The following PCLO variants were observed in gnomAD, a reference collection of about 807,000 sequenced individuals.
The protein encoded by PCLO is piccolo presynaptic cytomatrix protein.
PCLO carries 82 observed loss-of-function variants against 427.5 expected under a neutral mutation model. The observed-to-expected ratio is 0.19, with a 90% CI of 0.16 to 0.23. PCLO has a LOEUF of 0.23. PCLO is among the 10% of genes least tolerant of loss of function. The probability of loss-of-function intolerance (pLI) is 1.00; values close to 1 mark genes in which losing one functional copy is unlikely to be tolerated. For synonymous variants in PCLO, 2,357 were observed against 2,155.4 expected (o/e 1.09, Z -2.59); for missense variants, 6,239 against 6,115.9 (o/e 1.02, Z -0.67).
chr7:82,871,825 C>T (rs1030405114), intron 10 of PCLO, among the ~76,000 whole-genome samples: 5 of 151,362 alleles, frequency 3.3e-5, no homozygotes, highest in African/African-American at 4.8e-5. Flanking sequence ...GTTGAAAAAA[C>T]AAGACAAAAG....
At chr7:83,077,906 G>A (rs2214746) in intron 3 of PCLO, among the ~76,000 whole-genome samples, 35,736 of 151,832 alleles carry the variant, frequency 0.24, 4,800 homozygotes, top group East Asian at 0.56. Flanking sequence ...AAATGCAGAC[G>A]CTTAATGGGA....
chr7:83,152,899 T>A (rs868771903), intron 2 of PCLO, among the ~76,000 whole-genome samples: 46 of 152,184 alleles, frequency 3.0e-4, no homozygotes, highest in Admixed American at 1.0e-3. Context: ...TATCTTTATA[T>A]CTCACCAAAC....
At chr7:83,097,951 C>G (rs535758311) in intron 3 of PCLO, among the ~76,000 whole-genome samples, 207 of 152,110 alleles carry the variant, frequency 1.4e-3, no homozygotes, top group African/African-American at 4.8e-3. Flanking sequence ...TCATTAATAT[C>G]TGCATTTATA....
At chr7:82,909,193 T>G (rs1471724010) in intron 7 of PCLO, among the ~76,000 whole-genome samples, 180 bp from the exon 8 acceptor site, 1 of 152,026 alleles carries the variant, frequency 6.6e-6, no homozygotes, top group Non-Finnish European at 1.5e-5. Flanking sequence ...TCAAATTATG[T>G]CAAAAATTTT....
chr7:82,927,221 C>A (rs999300797), intron 6 of PCLO, among the ~76,000 whole-genome samples: 1 of 152,124 alleles, frequency 6.6e-6, no homozygotes, highest in Admixed American at 6.6e-5. Flanking sequence ...TTGTACACTG[C>A]CTTTGGGGTT....
rs569436582 is a variant in PCLO, at chr7:82,954,488, C to T, written c.6465G>A (p.Glu2155=). 2 of 1,613,852 alleles carry T rather than the reference C, an allele frequency of 1.2e-6. No individual in the cohort carries two copies. The highest frequency in any genetic ancestry group is 1.7e-6 in the Non-Finnish European group (2 of 1,179,868). Residue 2155 remains glutamate (E), a synonymous_variant, in exon 5 of 25, where the codon GAG becomes GAA. Transcript: ENST00000333891. The part of the protein sequence containing the change: ...YVTDYTREIQ[E]IIAHESLILT... Reference sequence around the variant, plus strand: ...AAATCAGCGATTCATGGGCAATTATCTCTTGAATTTCTCTTGTATAATCGG... The same window carrying T: ...AAATCAGCGATTCATGGGCAATTATTTCTTGAATTTCTCTTGTATAATCGG...
chr7:83,158,788 C>G (rs2116702188), intron 1 of PCLO, among the ~76,000 whole-genome samples: 1 of 151,864 alleles, frequency 6.6e-6, no homozygotes, highest in Middle Eastern at 3.4e-3. Context: ...GGCATACAAC[C>G]CTAAAGACTG....
At chr7:82,875,322 A>C (rs749254721) in intron 10 of PCLO, among the ~76,000 whole-genome samples, 1 of 152,186 alleles carries the variant, frequency 6.6e-6, no homozygotes, top group Non-Finnish European at 1.5e-5. Flanking sequence ...TTTTAAAACC[A>C]TTTTATTGAG....
chr7:83,134,707 G>A lies in PCLO; in HGVS notation c.2843C>T (p.Thr948Ile), dbSNP rs777691392. 1 of 1,613,802 alleles carries A rather than the reference G, an allele frequency of 6.2e-7. No individual in the cohort carries two copies. Among genetic ancestry groups the A allele is most frequent in the Non-Finnish European group, 8.5e-7 (1 of 1,179,800 alleles). ...IFSQASNLISTAGQPGPHSQS... is the reference protein window; with the variant it reads ...IFSQASNLISIAGQPGPHSQS... ...TGAATGAGGTCCAGGTTGGCCTGCA[G>A]TGGAAATTAAATTTGATGCCTGGCT... Residue 948 changes from threonine to isoleucine, a missense_variant, in exon 3 of 25, where the codon ACT (threonine) becomes ATT (isoleucine). Physicochemically the swap from Thr to Ile is moderately conservative, Grantham distance 89. Transcript: ENST00000333891.
intron 22 of PCLO, among the ~76,000 whole-genome samples, chr7:82,764,559 A>T (rs1790494762): frequency 6.6e-6 from 1 of 151,954 alleles, no homozygotes; most frequent in African/African-American, 2.4e-5. Flanking sequence ...AATACAACTA[A>T]AATCTGGTTT....
At chr7:82,800,943 T>C (rs1227295423) in intron 22 of PCLO, among the ~76,000 whole-genome samples, 1 of 152,012 alleles carries the variant, frequency 6.6e-6, no homozygotes, top group Non-Finnish European at 1.5e-5. Context: ...GTAAAGCTTA[T>C]AGATACTCCT....
intron 10 of PCLO, among the ~76,000 whole-genome samples, chr7:82,867,802 C>T (rs1793133742): frequency 6.6e-6 from 1 of 152,200 alleles, no homozygotes; most frequent in East Asian, 1.9e-4. Context: ...ATAATGTAAG[C>T]ATAATTCTCC....
At chr7:82,886,320 T>A (rs940015192) in intron 9 of PCLO, among the ~76,000 whole-genome samples, 5 of 152,198 alleles carry the variant, frequency 3.3e-5, no homozygotes, top group African/African-American at 1.2e-4. Context: ...TTATTGCATC[T>A]TTTAATATTA....
rs911338632 is a variant in PCLO, at chr7:82,754,613, C to T, written c.*3962G>A. ...TACAAGGTAATGCATTAAGAAAATG[C>T]TCTCAATCTACCTATCAGATAAAGA... On this transcript the variant is annotated 3_prime_UTR_variant, in exon 25 of 25. Coordinates refer to ENST00000333891, the MANE Select transcript of PCLO (RefSeq NM_033026.6). 1 of 152,046 alleles carries T rather than the reference C, an allele frequency of 6.6e-6. No homozygotes were observed. Among genetic ancestry groups the T allele is most frequent in the African/African-American group, 2.4e-5 (1 of 41,438 alleles). The allele number at this position is 152,046 out of a possible 1,614,324, so 9.4% of individuals were successfully genotyped here. A position where few individuals can be genotyped will look rare whatever the true frequency, so the allele number is the denominator to read the frequency against.
intron 22 of PCLO, among the ~76,000 whole-genome samples, chr7:82,794,824 G>T (rs1247092183): frequency 6.6e-6 from 1 of 151,778 alleles, no homozygotes; most frequent in Non-Finnish European, 1.5e-5. Flanking sequence ...CCTTTTTTGA[G>T]CAAAACATGG....
intron 3 of PCLO, among the ~76,000 whole-genome samples, chr7:83,126,403 T>C (rs1231972358): frequency 6.6e-6 from 1 of 152,054 alleles, no homozygotes; most frequent in East Asian, 1.9e-4. Context: ...CACAAATAAA[T>C]GAGAAATGCT....
At position 82,952,401 on chromosome 7, in the gene PCLO, G is replaced by T. The variant is rs769635146; in HGVS notation, c.8552C>A (p.Ala2851Glu). The T allele has an allele frequency of 6.2e-7, 1 of 1,613,856 alleles. No homozygotes were observed. The highest frequency in any genetic ancestry group is 8.5e-7 in the Non-Finnish European group (1 of 1,179,806). Residue 2851 changes from alanine (A) to glutamate (E), a missense_variant, in exon 5 of 25, where the codon GCA becomes GAA. Ala to Glu is a moderately radical substitution (Grantham distance 107). Transcript: ENST00000333891. ...DQVFPIAREE[A>E]PINLSLGTPA... ...AGTACCTAGAGATAAGTTTATTGGT[G>T]CTTCTTCCCTAGCTATAGGAAAGAC... is the stretch of plus-strand genomic sequence containing the variant.
chr7:83,032,465 TCCCTC>T, intron 3 of PCLO, among the ~76,000 whole-genome samples: 1 of 143,218 alleles, frequency 7.0e-6, no homozygotes, highest in African/African-American at 2.6e-5. Context: ...TTCCCTCCCT[TCCCTC>T]CCTTCCTTCC....
chr7:82,987,340 AG>A (rs1250437579), intron 3 of PCLO, among the ~76,000 whole-genome samples: 4 of 152,028 alleles, frequency 2.6e-5, no homozygotes, highest in African/African-American at 9.6e-5. Flanking sequence ...GGGGGACTTA[AG>A]TAAAGTAATG....
Sources: gnomAD v4.1 joint callset for allele counts (sites outside exome capture counted in the v4.1 genomes callset) on GRCh38, gnomAD v4.1.1 for gene constraint, MANE v1.5 for transcripts, NCBI Gene and HGNC (gene_info 2026-07-23, HGNC 2026-07-21) for gene names.